NRCAM: variants seen among roughly 807,000 people sequenced by gnomAD.
NRCAM encodes NgCAM-related cell adhesion molecule.
NRCAM carries 83 observed loss-of-function variants against 156.5 expected under a neutral mutation model. The observed-to-expected ratio is 0.53, with a 90% CI of 0.44 to 0.64. The LOEUF is 0.64. Ranked by LOEUF, NRCAM falls within the 30% of genes least tolerant of loss-of-function variation. NRCAM has a pLI of 0.00. For synonymous variants in NRCAM, 538 were observed against 563.9 expected (o/e 0.95, Z 0.65); for missense variants, 1,417 against 1,597.3 (o/e 0.89, Z 1.92).
intron 2 of NRCAM, among the ~76,000 whole-genome samples, chr7:108,388,018 T>C (rs1213256850): frequency 1.3e-5 from 2 of 152,302 alleles, no homozygotes; most frequent in African/African-American, 2.4e-5. Context: ...GCAATAAACA[T>C]ATGTGTGCAT....
At chr7:108,452,182 A>G (rs1851138058) in intron 1 of NRCAM, among the ~76,000 whole-genome samples, 1 of 152,216 alleles carries the variant, frequency 6.6e-6, no homozygotes, top group Admixed American at 6.5e-5. Flanking sequence ...AACTTCAGTC[A>G]AACTCATAGA....
At chr7:108,179,547 T>C (rs2062389173) in intron 25 of NRCAM, among the ~76,000 whole-genome samples, 1 of 152,034 alleles carries the variant, frequency 6.6e-6, no homozygotes, top group Non-Finnish European at 1.5e-5. Context: ...CTCATCCTTT[T>C]TACTACATGG....
intron 15 of NRCAM, 95 bp from the exon 16 acceptor site, chr7:108,194,523 G>T: frequency 1.3e-6 from 1 of 787,628 alleles, no homozygotes; most frequent in Non-Finnish European, 2.0e-6. Context: ...TGACCATGAT[G>T]AATGTGAAAG....
chr7:108,161,408 A>G (rs1224619077), intron 30 of NRCAM, among the ~76,000 whole-genome samples: 2 of 152,252 alleles, frequency 1.3e-5, no homozygotes, highest in Non-Finnish European at 2.9e-5. Flanking sequence ...TAAAGTATCA[A>G]TCTTATGGGA....
At chr7:108,179,841 G>T (rs1251761624) in intron 25 of NRCAM, among the ~76,000 whole-genome samples, 1 of 152,120 alleles carries the variant, frequency 6.6e-6, no homozygotes, top group African/African-American at 2.4e-5. Flanking sequence ...TTTTTGTTAG[G>T]TTATCTAATT....
chr7:108,214,352 CA>C (rs1181065351), intron 11 of NRCAM, among the ~76,000 whole-genome samples: 1 of 152,116 alleles, frequency 6.6e-6, no homozygotes, highest in Admixed American at 6.5e-5. Flanking sequence ...GGAATTTATC[CA>C]TCTCTTCTAG....
chr7:108,332,554 A>G (rs190640239), intron 2 of NRCAM, among the ~76,000 whole-genome samples: 196 of 152,304 alleles, frequency 1.3e-3, no homozygotes, highest in African/African-American at 4.4e-3. Context: ...CTGCTTTTAC[A>G]AAAGAACTGT....
chr7:108,256,918 A>T (rs2096692372), intron 3 of NRCAM, among the ~76,000 whole-genome samples: 1 of 151,750 alleles, frequency 6.6e-6, no homozygotes, highest in Admixed American at 6.6e-5. Context: ...CTAAGGCACA[A>T]GAATCACTTG....
intron 25 of NRCAM, among the ~76,000 whole-genome samples, chr7:108,179,485 A>G (rs538702441): frequency 5.4e-4 from 83 of 152,314 alleles, no homozygotes; most frequent in African/African-American, 1.9e-3. Flanking sequence ...ATAGTGGCAT[A>G]TTGTTGCAAA....
Position 108,175,321 on chromosome 7 carries a change from C to T in NRCAM, c.3187+1G>A. 1 of 1,557,668 alleles carries T rather than the reference C, an allele frequency of 6.4e-7. No homozygotes were observed. Among genetic ancestry groups the T allele is most frequent in the Non-Finnish European group, 8.7e-7 (1 of 1,150,006 alleles). On this transcript the variant is annotated splice_donor_variant, in intron 28 of 32. Coordinates refer to ENST00000379028, the MANE Select transcript of NRCAM (RefSeq NM_001037132.4). LOFTEE classifies it high-confidence loss of function. ...AAAGTCATGCAGATGAATTATTTTA[C>T]CTTTGCCTGCACCTACATCAGGTGG... is the stretch of plus-strand genomic sequence containing the variant.
chr7:108,354,773 A>G (rs1384164748), intron 2 of NRCAM, among the ~76,000 whole-genome samples: 1 of 152,120 alleles, frequency 6.6e-6, no homozygotes, highest in Non-Finnish European at 1.5e-5. Context: ...GGGTGCCTAT[A>G]ATCCCAGCTA....
rs529001045 is a variant in NRCAM at position 108,364,398 on chromosome 7, T to C, written c.-174+35038A>G. On this transcript the variant is annotated intron_variant, in intron 2 of 32. Transcript: ENST00000379028. The stretch of plus-strand genomic sequence containing the variant: ...TGGAGAAAATGAAACCCTCATACAT[T>C]GCTAATGGGACTGTAAAATGGTATA... Among the ~76,000 whole-genome samples the C allele has an allele frequency of 5.9e-5, 9 of 152,274 alleles. No individual in the cohort carries two copies. The South Asian group carries it at 1.9e-3, about 32-fold the overall frequency.
intron 3 of NRCAM, among the ~76,000 whole-genome samples, chr7:108,289,854 T>C (rs2098231957): frequency 6.6e-6 from 1 of 152,090 alleles, no homozygotes; most frequent in African/African-American, 2.4e-5. Context: ...AATAGAAACT[T>C]TGGGGCTGGG....
chr7:108,152,712 A>C (rs2042466189), intron 32 of NRCAM, among the ~76,000 whole-genome samples: 1 of 152,190 alleles, frequency 6.6e-6, no homozygotes, highest in Non-Finnish European at 1.5e-5. Flanking sequence ...CAATAGCAGA[A>C]TTGCAGAGTT....
At chr7:108,375,735 A>AT (rs1387100708) in intron 2 of NRCAM, among the ~76,000 whole-genome samples, 1 of 152,180 alleles carries the variant, frequency 6.6e-6, no homozygotes, top group African/African-American at 2.4e-5. Flanking sequence ...GAATATCACT[A>AT]TTTTTATTCC....
At chr7:108,276,135 G>A (rs1176043128) in intron 3 of NRCAM, among the ~76,000 whole-genome samples, 1 of 152,090 alleles carries the variant, frequency 6.6e-6, no homozygotes, top group African/African-American at 2.4e-5. Flanking sequence ...CATTTGCTGA[G>A]GAGTGTTTTA....
chr7:108,270,267 G>A (rs1415683756), intron 3 of NRCAM, among the ~76,000 whole-genome samples: 1 of 152,186 alleles, frequency 6.6e-6, no homozygotes, highest in Non-Finnish European at 1.5e-5. Context: ...AGTTGGAACT[G>A]GGCTTTAGGG....
At chr7:108,161,612 T>C in intron 30 of NRCAM, among the ~76,000 whole-genome samples, 1 of 152,222 alleles carries the variant, frequency 6.6e-6, no homozygotes, top group Non-Finnish European at 1.5e-5. Context: ...GAATATATTT[T>C]ACACAGTTGA....
chr7:108,275,378 T>C (rs910613534), intron 3 of NRCAM, among the ~76,000 whole-genome samples: 1 of 152,216 alleles, frequency 6.6e-6, no homozygotes, highest in African/African-American at 2.4e-5. Context: ...TGGACTTTTT[T>C]GATTGGTAGG....
Sources: gnomAD v4.1 joint callset for allele counts (sites outside exome capture counted in the v4.1 genomes callset) on GRCh38, gnomAD v4.1.1 for gene constraint, MANE v1.5 for transcripts, NCBI Gene and HGNC (gene_info 2026-07-23, HGNC 2026-07-21) for gene names.